FRY: variants seen among roughly 807,000 people sequenced by gnomAD.
The protein encoded by FRY is FRY microtubule binding protein, also known as protein furry homolog.
In FRY, 128 loss-of-function variants were observed where a neutral mutation model predicts 348.4. That is an observed-to-expected ratio of 0.37 (90% CI 0.32 to 0.43). The LOEUF (loss-of-function observed/expected upper bound fraction) is 0.43. FRY is among the 20% of genes least tolerant of loss of function. The pLI is 1.00. For synonymous variants in FRY, 1,370 were observed against 1,374.7 expected (o/e 1.00, Z 0.08); for missense variants, 2,736 against 3,695.2 (o/e 0.74, Z 6.73).
intron 3 of FRY, among the ~76,000 whole-genome samples, chr13:32,114,977 T>C (rs141169151): frequency 0.012 from 1,807 of 152,296 alleles, 19 homozygotes; most frequent in Non-Finnish European, 0.019. Flanking sequence ...TCTTCAGTTT[T>C]AAAAAGTTTA....
intron 11 of FRY, among the ~76,000 whole-genome samples, chr13:32,145,839 C>T (rs35876342): frequency 0.27 from 41,183 of 151,916 alleles, 5,841 homozygotes; most frequent in East Asian, 0.47. Flanking sequence ...CCACCGCGCC[C>T]GGCCTCTGAC....
chr13:32,297,628 C>T lies in FRY; in HGVS notation c.*2168C>T, dbSNP rs547296426. 5.3e-5 allele frequency: 8 copies of T among 152,296 alleles called. No individual in the cohort carries two copies. Among genetic ancestry groups the T allele is most frequent in the African/African-American group, 1.7e-4 (7 of 41,562 alleles). The allele number at this position is 152,296 out of a possible 1,614,324, so 9.4% of individuals were successfully genotyped here. A position where few individuals can be genotyped will look rare whatever the true frequency, so the allele number is the denominator to read the frequency against. ...GTATTAATGTGAAAGGTTTCTTCTA[C>T]TTTTCCTCTATCTCTTCACCTCCTC... On this transcript the variant is annotated 3_prime_UTR_variant, in exon 61 of 61. Transcript: ENST00000542859.
chr13:32,180,840 G>T (rs1882662111), intron 23 of FRY, among the ~76,000 whole-genome samples: 1 of 152,026 alleles, frequency 6.6e-6, no homozygotes, highest in South Asian at 2.1e-4. Context: ...TGTTTTAGAG[G>T]CTATTGAAAA....
chr13:32,044,007 C>T (rs1410033281), intron 1 of FRY, among the ~76,000 whole-genome samples: 2 of 151,832 alleles, frequency 1.3e-5, no homozygotes, highest in African/African-American at 4.8e-5. Flanking sequence ...CCAGCCTGGT[C>T]AACACAGTGA....
intron 17 of FRY, among the ~76,000 whole-genome samples, chr13:32,162,664 T>G (rs911208602): frequency 5.3e-5 from 8 of 152,182 alleles, no homozygotes; most frequent in African/African-American, 1.9e-4. Flanking sequence ...GTCTGTTACC[T>G]TCAAAACCAT....
intron 35 of FRY, among the ~76,000 whole-genome samples, chr13:32,216,635 C>G (rs113235275): frequency 2.1e-4 from 32 of 152,344 alleles, no homozygotes; most frequent in African/African-American, 6.7e-4. Context: ...TTGTTCCTTT[C>G]TGAATGATGT....
intron 1 of FRY, 116 bp downstream of exon 1, chr13:32,031,981 T>C: frequency 1.7e-6 from 1 of 589,728 alleles, no homozygotes. Context: ...TTTTTCTTTT[T>C]TTCTTTTCTT....
intron 24 of FRY, 48 bp downstream of exon 24, chr13:32,183,082 A>G (rs776342291): frequency 3.5e-6 from 4 of 1,152,140 alleles, no homozygotes; most frequent in Non-Finnish European, 3.9e-6. Context: ...TTGGACAATC[A>G]TCTGAATTTA....
At chr13:32,148,579 C>T (rs1234635446) in intron 13 of FRY, among the ~76,000 whole-genome samples, 1 of 152,178 alleles carries the variant, frequency 6.6e-6, no homozygotes, top group Non-Finnish European at 1.5e-5. Flanking sequence ...CAACTTTGAC[C>T]TCCTTGTGCA....
At chr13:32,209,144 G>A in intron 32 of FRY, 35 bp downstream of exon 32, 1 of 1,613,032 alleles carries the variant, frequency 6.2e-7, no homozygotes, top group Non-Finnish European at 8.5e-7. Context: ...AAATAGCATG[G>A]CTCCATCATC....
intron 58 of FRY, among the ~76,000 whole-genome samples, chr13:32,281,554 T>G (rs9595249): frequency 1.3e-5 from 2 of 152,174 alleles, no homozygotes; most frequent in South Asian, 4.1e-4. Context: ...GTCTGGTGTT[T>G]CCAATGTTTT....
Position 32,295,679 on chromosome 13 carries a change from A to G in FRY, c.*219A>G. ...ACGTCCTGGACAGACTCCACTCATC[A>G]TGCTGTGTGGCACAAATGTGTTACA... On this transcript the variant is annotated 3_prime_UTR_variant, in exon 61 of 61. Coordinates refer to ENST00000542859, the MANE Select transcript of FRY (RefSeq NM_023037.3). The G allele has an allele frequency of 3.4e-6, 2 of 594,518 alleles. No homozygotes were observed. The highest frequency in any genetic ancestry group is 2.0e-5 in the South Asian group (1 of 49,822). 36.8% of individuals were successfully genotyped at this position (594,518 alleles called of 1,614,324 possible). A position where few individuals can be genotyped will look rare whatever the true frequency, so the allele number is the denominator to read the frequency against.
At chr13:32,034,273 T>G (rs902876242) in intron 1 of FRY, among the ~76,000 whole-genome samples, 3 of 152,214 alleles carry the variant, frequency 2.0e-5, no homozygotes, top group African/African-American at 7.2e-5. Flanking sequence ...GCTTTCCATA[T>G]TTTTTTAAAT....
At chr13:32,222,275 T>A (rs773837746) in intron 36 of FRY, among the ~76,000 whole-genome samples, 2 of 152,020 alleles carry the variant, frequency 1.3e-5, no homozygotes, top group African/African-American at 4.8e-5. Flanking sequence ...AAGGGTGCGC[T>A]GGTAGGAGAT....
At chr13:32,271,820 C>T (rs1888218547) in intron 55 of FRY, among the ~76,000 whole-genome samples, 1 of 152,204 alleles carries the variant, frequency 6.6e-6, no homozygotes, top group African/African-American at 2.4e-5. Context: ...TCAGGTTTCA[C>T]AGCATCCACT....
intron 4 of FRY, among the ~76,000 whole-genome samples, chr13:32,123,587 G>A (rs1334362538): frequency 6.6e-6 from 1 of 152,072 alleles, no homozygotes; most frequent in East Asian, 1.9e-4. Flanking sequence ...CTCCTTTCAC[G>A]AGATCTTTCA....
chr13:32,170,912 CAAGTAG>C (rs1163971603), intron 17 of FRY, 94 bp from the exon 18 acceptor site: 1 of 911,950 alleles, frequency 1.1e-6, no homozygotes, highest in Non-Finnish European at 1.8e-6. Flanking sequence ...TTTTCAGACT[CAAGTAG>C]AAGAGATATA....
At chr13:32,241,100 C>G (rs1179287716) in intron 46 of FRY, among the ~76,000 whole-genome samples, 1 of 152,194 alleles carries the variant, frequency 6.6e-6, no homozygotes. Flanking sequence ...GTCATCTGGT[C>G]ATACCTGTCC....
chr13:32,192,745 T>G lies in FRY; in HGVS notation c.3592-1398T>G, dbSNP rs1328925666. 4.8e-5 allele frequency among the ~76,000 whole-genome samples: 7 copies of G among 145,764 alleles called. No individual in the cohort carries two copies. In the East Asian group the frequency reaches 1.4e-3, roughly 29 times the overall value. ...AAGAGGCACCAGAATGTTACTTTTT[T>G]TTTTTTTTTTTTTTTTGAGACAGAG... On this transcript the variant is annotated intron_variant, in intron 28 of 60. Transcript: ENST00000542859.
Sources: gnomAD v4.1 joint callset for allele counts (sites outside exome capture counted in the v4.1 genomes callset) on GRCh38, gnomAD v4.1.1 for gene constraint, MANE v1.5 for transcripts, NCBI Gene and HGNC (gene_info 2026-07-23, HGNC 2026-07-21) for gene names.